PROSER2: variants seen among roughly 807,000 people sequenced by gnomAD.
The protein encoded by PROSER2 is proline and serine-rich protein 2.
In PROSER2, 18 loss-of-function variants were observed where a neutral mutation model predicts 14.6. The ratio of observed to expected loss-of-function variants is 1.23; its 90% CI spans 0.85 to 1.83. The LOEUF (loss-of-function observed/expected upper bound fraction) is 1.83, where lower values mean the gene tolerates loss of function less well. PROSER2 is among the 40% of genes most tolerant of loss of function. The pLI is 0.00. For synonymous variants in PROSER2, 367 were observed against 286.4 expected, an observed-to-expected ratio of 1.28 and a Z score of -2.84; for missense variants, 823 against 629.8, an observed-to-expected ratio of 1.31 and a Z score of -3.28.
rs1833777804 is a variant in PROSER2, at chr10:11,837,477, C to T, written c.-82+14007C>T. ...TCCACTGAGGGTCTTGGAACATACC[C>T]CCTCAGAGAAGGGAGAACTGCAGCA... On this transcript the variant is annotated intron_variant, in intron 1 of 3. Coordinates refer to ENST00000277570, the MANE Select transcript of PROSER2 (RefSeq NM_153256.4). The surrounding 1 kb of genome is among the most constrained non-coding windows in gnomAD (Gnocchi z 4.6). Among the ~76,000 whole-genome samples, 1 of 152,166 alleles carries T rather than the reference C, an allele frequency of 6.6e-6. No homozygotes were observed. Among genetic ancestry groups the T allele is most frequent in the South Asian group, 2.1e-4 (1 of 4,826 alleles).
chr10:11,852,105 G>T lies in PROSER2; in HGVS notation c.28G>T (p.Ala10Ser). The change falls in exon 2 of 4, where the codon GCA becomes TCA. Residue 10 changes from alanine (A) to serine (S), a missense_variant. Physicochemically the swap from Ala to Ser is moderately conservative, Grantham distance 99. Coordinates refer to ENST00000277570, the MANE Select transcript of PROSER2 (RefSeq NM_153256.4). MPVTHRKSD[A>S]SDMNSDTSPS... The stretch of plus-strand genomic sequence containing the variant: ...GCCTGTAACCCACCGGAAATCAGAC[G>T]CATCTGACATGAACTCAGACACGTC... 1 of 1,612,196 alleles carries T rather than the reference G, an allele frequency of 6.2e-7. No individual in the cohort carries two copies. Among genetic ancestry groups the T allele is most frequent in the South Asian group, 1.1e-5 (1 of 90,672 alleles).
chr10:11,869,842 C>G lies in PROSER2; in HGVS notation c.744C>G (p.Pro248=). 6.3e-7 allele frequency: 1 copy of G among 1,585,024 alleles called. No individual in the cohort carries two copies. The highest frequency in any genetic ancestry group is 1.9e-4 in the Middle Eastern group (1 of 5,302). ...PGPGPSHPAQ[P]KAPRFPSNII... ...CGGGGCCCAGCCACCCGGCGCAGCCCAAGGCACCCCGCTTCCCCAGCAACA... is the reference window on the plus strand; with the variant it reads ...CGGGGCCCAGCCACCCGGCGCAGCCGAAGGCACCCCGCTTCCCCAGCAACA... Residue 248 remains proline (P), a synonymous_variant, in exon 4 of 4, where the codon CCC becomes CCG. Coordinates refer to ENST00000277570, the MANE Select transcript of PROSER2 (RefSeq NM_153256.4). The surrounding 1 kb of genome is among the most constrained non-coding windows in gnomAD (Gnocchi z 4.4).
chr10:11,828,905 CAG>C (rs1040518404), intron 1 of PROSER2, among the ~76,000 whole-genome samples: 5 of 152,044 alleles, frequency 3.3e-5, no homozygotes, highest in Non-Finnish European at 5.9e-5. Context: ...GAGCAGAGGA[CAG>C]AGAGTCTTTC....
chr10:11,853,729 C>T (rs7893430), intron 2 of PROSER2, among the ~76,000 whole-genome samples: 4 of 152,164 alleles, frequency 2.6e-5, no homozygotes, highest in African/African-American at 4.8e-5. Context: ...CCATCTCCTT[C>T]GTTTCTCCGT....
intron 2 of PROSER2, among the ~76,000 whole-genome samples, chr10:11,863,399 G>T (rs1003820992): frequency 2.0e-5 from 3 of 152,058 alleles, no homozygotes; most frequent in Non-Finnish European, 4.4e-5. Context: ...CATTAGCAGG[G>T]CACAGACGTG....
intron 1 of PROSER2, among the ~76,000 whole-genome samples, chr10:11,848,009 T>A (rs1323211040): frequency 6.6e-6 from 1 of 152,190 alleles, no homozygotes; most frequent in African/African-American, 2.4e-5. Context: ...AGAGTGCGTG[T>A]CCCTCCATCC....
rs1383623849 is a variant in PROSER2, at chr10:11,823,787, C to T, written c.-82+317C>T. Among the ~76,000 whole-genome samples the T allele has an allele frequency of 6.6e-6, 1 of 152,138 alleles. No homozygotes were observed. The highest frequency in any genetic ancestry group is 2.4e-5 in the African/African-American group (1 of 41,436). ...CAGGGGTGGAGGCGGGTTTCCCAGC[C>T]TTGGGCGCAGAGGGTCCCCGCTGTC... is the stretch of plus-strand genomic sequence containing the variant. On this transcript the variant is annotated intron_variant, in intron 1 of 3. Transcript: ENST00000277570. The surrounding 1 kb of genome is among the most constrained non-coding windows in gnomAD (Gnocchi z 6.2).
At position 11,870,612 on chromosome 10, in the gene PROSER2, C is replaced by G. The variant is rs1804130639; in HGVS notation, c.*206C>G. 2.1e-6 allele frequency: 1 copy of G among 478,716 alleles called. No homozygotes were observed. Among genetic ancestry groups the G allele is most frequent in the Non-Finnish European group, 3.8e-6 (1 of 266,066 alleles). 29.7% of individuals were successfully genotyped at this position (478,716 alleles called of 1,614,324 possible). A position where few individuals can be genotyped will look rare whatever the true frequency, so the allele number is the denominator to read the frequency against. On this transcript the variant is annotated 3_prime_UTR_variant, in exon 4 of 4. Transcript: ENST00000277570. Reference sequence around the variant, plus strand: ...GCTCCAGCCACCGGCACAGAGAACTCTTCCCTAAAGGAATCTGGCCGAGGG... The same window carrying G: ...GCTCCAGCCACCGGCACAGAGAACTGTTCCCTAAAGGAATCTGGCCGAGGG...
Position 11,830,660 on chromosome 10 carries a change from A to G in PROSER2, c.-82+7190A>G, listed in dbSNP as rs1047544652. Among the ~76,000 whole-genome samples the G allele has an allele frequency of 6.6e-6, 1 of 152,182 alleles. No individual in the cohort carries two copies. Among genetic ancestry groups the G allele is most frequent in the African/African-American group, 2.4e-5 (1 of 41,448 alleles). ...ACTTAAAGGTGTCCTGATTTCTCTG[A>G]GAGAGGTTGATAGCCATTCCTTGGA... is the stretch of plus-strand genomic sequence containing the variant. On this transcript the variant is annotated intron_variant, in intron 1 of 3. Coordinates refer to ENST00000277570, the MANE Select transcript of PROSER2 (RefSeq NM_153256.4). This position sits in a 1 kb window ranked among gnomAD's most constrained non-coding sequence, Gnocchi z 4.5.
In PROSER2 at chr10:11,836,144, G is replaced by A. The variant is rs552654432; in HGVS notation, c.-82+12674G>A. Among the ~76,000 whole-genome samples the A allele has an allele frequency of 1.3e-5, 2 of 152,068 alleles. No homozygotes were observed. Among genetic ancestry groups the A allele is most frequent in the Admixed American group, 6.6e-5 (1 of 15,258 alleles). On this transcript the variant is annotated intron_variant, in intron 1 of 3. Transcript: ENST00000277570. The surrounding 1 kb of genome is among the most constrained non-coding windows in gnomAD (Gnocchi z 4.6). ...CCTTCTGGGTTCAAGCGATTCTCCT[G>A]CCTCAGTCTCCCGAGTAGCTGGGAT... is the stretch of plus-strand genomic sequence containing the variant.
chr10:11,833,506 C>T (rs774800454), intron 1 of PROSER2, among the ~76,000 whole-genome samples: 3 of 151,960 alleles, frequency 2.0e-5, no homozygotes, highest in African/African-American at 2.4e-5. Context: ...GCCTGGCCAA[C>T]GTGGTGAAAC....
rs1220306917 is a variant in PROSER2 at position 11,865,544 on chromosome 10, G to A, written c.139-987G>A. On this transcript the variant is annotated intron_variant, in intron 2 of 3. Transcript: ENST00000277570. The surrounding 1 kb of genome is among the most constrained non-coding windows in gnomAD (Gnocchi z 4.2). ...TAGGACAGTAAGAAACTGCTGCGCA[G>A]TTCTACACTGGGATTCGTTGACTGT... 6.6e-6 allele frequency among the ~76,000 whole-genome samples: 1 copy of A among 152,244 alleles called. No homozygotes were observed. Among genetic ancestry groups the A allele is most frequent in the African/African-American group, 2.4e-5 (1 of 41,470 alleles).
chr10:11,839,822 CAA>C (rs1209509215), intron 1 of PROSER2, among the ~76,000 whole-genome samples: 29 of 60,860 alleles, frequency 4.8e-4, no homozygotes, highest in Non-Finnish European at 4.3e-4. Flanking sequence ...GAGATTGTCT[CAA>C]AAAAAAAAAA....
At chr10:11,846,752 TTTTG>T (rs962596005) in intron 1 of PROSER2, among the ~76,000 whole-genome samples, 3 of 151,892 alleles carry the variant, frequency 2.0e-5, no homozygotes, top group African/African-American at 2.4e-5. Context: ...TTGGTTTGGG[TTTTG>T]TTTGTTTGTT....
At chr10:11,826,669 C>T (rs905461957) in intron 1 of PROSER2, among the ~76,000 whole-genome samples, 2 of 152,148 alleles carry the variant, frequency 1.3e-5, no homozygotes, top group Non-Finnish European at 2.9e-5. Context: ...GCTCTGCCTC[C>T]CGTGTTCACA....
At chr10:11,825,472 C>G (rs1040035381) in intron 1 of PROSER2, among the ~76,000 whole-genome samples, 2 of 152,178 alleles carry the variant, frequency 1.3e-5, no homozygotes, top group East Asian at 3.8e-4. Flanking sequence ...GCAACTCCGC[C>G]CCTGATTGAC....
chr10:11,831,785 T>A (rs1833691942), intron 1 of PROSER2: 1 of 152,158 alleles, frequency 6.6e-6, no homozygotes, highest in African/African-American at 2.4e-5. Context: ...ACTAGGAAAC[T>A]TCTTCCCTCG....
intron 1 of PROSER2, among the ~76,000 whole-genome samples, chr10:11,827,515 A>T (rs1293743523): frequency 2.6e-5 from 4 of 151,878 alleles, no homozygotes; most frequent in Non-Finnish European, 5.9e-5. Flanking sequence ...CTCGGAAGCC[A>T]GTTGTCTGAC....
intron 1 of PROSER2, among the ~76,000 whole-genome samples, chr10:11,844,605 G>A (rs1833898003): frequency 6.6e-6 from 1 of 152,132 alleles, no homozygotes; most frequent in African/African-American, 2.4e-5. Context: ...TTACTCATCA[G>A]TACATGGAGA....
Sources: gnomAD v4.1 joint callset for allele counts (sites outside exome capture counted in the v4.1 genomes callset) on GRCh38, gnomAD v4.1.1 for gene constraint, Gnocchi (gnomAD v3.1) non-coding constraint, MANE v1.5 for transcripts, NCBI Gene and HGNC (gene_info 2026-07-23, HGNC 2026-07-21) for gene names.